The following MYRIP variants were observed in gnomAD, a reference collection of about 807,000 sequenced individuals.
MYRIP encodes myosin VIIA and Rab interacting protein, also known as rab effector MyRIP.
A neutral mutation model predicts 98.0 loss-of-function variants in MYRIP; 49 were observed. The observed-to-expected ratio is 0.50, with a 90% CI of 0.40 to 0.63. The LOEUF (loss-of-function observed/expected upper bound fraction) is 0.63, where lower values mean the gene tolerates loss of function less well. Among genes scored for constraint, MYRIP ranks in the 30% least tolerant of loss-of-function variants. The probability of loss-of-function intolerance (pLI) is 0.00; values close to 1 mark genes in which losing one functional copy is unlikely to be tolerated. For missense variants in MYRIP, 1,004 were observed against 1,058.2 expected (o/e 0.95, Z 0.71); for synonymous variants, 404 against 409.5 (o/e 0.99, Z 0.16).
At chr3:39,945,599 T>C (rs749058785) in intron 2 of MYRIP, among the ~76,000 whole-genome samples, 2 of 151,918 alleles carry the variant, frequency 1.3e-5, no homozygotes, top group African/African-American at 2.4e-5. Context: ...CCAGAAGCAG[T>C]TGGGAAAGTG....
intron 2 of MYRIP, among the ~76,000 whole-genome samples, chr3:40,036,420 G>A (rs1011648468): frequency 3.3e-5 from 5 of 151,122 alleles, no homozygotes; most frequent in African/African-American, 2.4e-5. Context: ...AATTTACCTT[G>A]ATGAAAGAAT....
At chr3:39,956,948 G>C (rs1189852575) in intron 2 of MYRIP, among the ~76,000 whole-genome samples, 3 of 151,550 alleles carry the variant, frequency 2.0e-5, no homozygotes, top group East Asian at 1.9e-4. Flanking sequence ...ATAAATTCCT[G>C]GACACATACA....
chr3:39,846,762 T>C (rs915073602), intron 1 of MYRIP, among the ~76,000 whole-genome samples: 1 of 152,170 alleles, frequency 6.6e-6, no homozygotes. Context: ...TTTATAGAAA[T>C]AGATTTATTT....
chr3:40,161,041 T>G (rs1458266410), intron 4 of MYRIP, among the ~76,000 whole-genome samples: 1 of 152,154 alleles, frequency 6.6e-6, no homozygotes, highest in East Asian at 1.9e-4. Context: ...CCTCTATATC[T>G]AATTTTGACA....
chr3:40,168,350 A>G (rs1414732322), intron 7 of MYRIP, among the ~76,000 whole-genome samples: 1 of 152,200 alleles, frequency 6.6e-6, no homozygotes. Flanking sequence ...CCTACTCTTA[A>G]TATATCATAG....
At chr3:40,018,135 C>A (rs963917196) in intron 2 of MYRIP, among the ~76,000 whole-genome samples, 7 of 152,216 alleles carry the variant, frequency 4.6e-5, no homozygotes, top group African/African-American at 1.7e-4. Context: ...TTGGCTGCCA[C>A]ATTACTGCAT....
At chr3:39,868,835 A>G (rs1942700433) in intron 1 of MYRIP, among the ~76,000 whole-genome samples, 1 of 152,146 alleles carries the variant, frequency 6.6e-6, no homozygotes, top group Non-Finnish European at 1.5e-5. Flanking sequence ...ATGGGTTGAT[A>G]GTCTTTTTCT....
Position 40,250,283 on chromosome 3 carries a change from G to A in MYRIP, c.2324G>A (p.Cys775Tyr). The part of the protein sequence containing the change: ...LTIAGLNIAP[C>Y]VRFTRRRDQK... ...ATTGCAGGATTAAACATAGCACCAT[G>A]TGTGCGCTTCACAAGAAGACGGGAT... The change falls in exon 14 of 17, where the codon TGT becomes TAT. Residue 775 changes from cysteine (C) to tyrosine (Y), a missense_variant. By Grantham distance (194) the Cys-to-Tyr change is radical. Around this residue, in one of 3 missense-constraint regions of MYRIP, gnomAD observed 108 missense variants for 111.1 expected, o/e 0.97. Coordinates refer to ENST00000302541, the MANE Select transcript of MYRIP (RefSeq NM_015460.4). 6.2e-7 allele frequency: 1 copy of A among 1,614,162 alleles called. No homozygotes were observed. Among genetic ancestry groups the A allele is most frequent in the Non-Finnish European group, 8.5e-7 (1 of 1,180,012 alleles).
chr3:40,096,776 G>A lies in MYRIP; in HGVS notation c.332+52505G>A, dbSNP rs532735185. Among the ~76,000 whole-genome samples, 10 of 152,306 alleles carry A rather than the reference G, an allele frequency of 6.6e-5. No individual in the cohort carries two copies. The South Asian group carries it at 1.5e-3, about 22-fold the overall frequency. ...AGAGCGTGGATCACAATGTGGCATT[G>A]GGCAAAGGCATCGGCATCTTTGAAA... is the stretch of plus-strand genomic sequence containing the variant. On this transcript the variant is annotated intron_variant, in intron 3 of 16. Transcript: ENST00000302541.
intron 10 of MYRIP, among the ~76,000 whole-genome samples, chr3:40,192,354 T>TATATATGTCATATA: frequency 2.9e-5 from 1 of 34,894 alleles, no homozygotes; most frequent in Admixed American, 3.2e-4. Context: ...ATATATATAT[T>TATATATGTCATATA]TATATTTATT....
chr3:40,258,120 A>G lies in MYRIP; in HGVS notation c.2548-14A>G, dbSNP rs1324214273. The G allele has an allele frequency of 6.2e-7, 1 of 1,614,026 alleles. No homozygotes were observed. Among genetic ancestry groups the G allele is most frequent in the Admixed American group, 1.7e-5 (1 of 59,996 alleles). Reference sequence around the variant, plus strand: ...CAAGTGGCTGATGGGAGTGTGTTCAATGTCTCACCTCAGGAGCCTGCTCTG... The same window carrying G: ...CAAGTGGCTGATGGGAGTGTGTTCAGTGTCTCACCTCAGGAGCCTGCTCTG... On this transcript the variant is annotated splice_polypyrimidine_tract_variant and intron_variant, in intron 16 of 16. Coordinates refer to ENST00000302541, the MANE Select transcript of MYRIP (RefSeq NM_015460.4).
chr3:39,933,182 A>T (rs1018701718), intron 2 of MYRIP, among the ~76,000 whole-genome samples: 1 of 152,146 alleles, frequency 6.6e-6, no homozygotes, highest in African/African-American at 2.4e-5. Context: ...CAAGATACAT[A>T]CTCATGGGCC....
chr3:40,234,156 A>ACAC, intron 12 of MYRIP, 103 bp downstream of exon 12: 1 of 1,135,330 alleles, frequency 8.8e-7, no homozygotes, highest in Middle Eastern at 3.0e-4. Flanking sequence ...ACACATACAC[A>ACAC]CACACACCAC....
intron 3 of MYRIP, among the ~76,000 whole-genome samples, chr3:40,100,540 A>C (rs1264691533): frequency 6.6e-6 from 1 of 152,250 alleles, no homozygotes; most frequent in Non-Finnish European, 1.5e-5. Flanking sequence ...ACTGCTTTAC[A>C]AAAACAGGTA....
intron 3 of MYRIP, among the ~76,000 whole-genome samples, chr3:40,060,720 T>A (rs1947995133): frequency 6.6e-6 from 1 of 151,782 alleles, no homozygotes; most frequent in African/African-American, 2.4e-5. Context: ...GCCTCCCTAG[T>A]AGCTGGGATT....
intron 1 of MYRIP, among the ~76,000 whole-genome samples, chr3:39,883,609 G>A (rs1367350879): frequency 1.3e-5 from 2 of 151,778 alleles, no homozygotes; most frequent in Non-Finnish European, 2.9e-5. Context: ...ATATAATAAA[G>A]CAGCACATCT....
chr3:39,828,692 A>G (rs1941345737), intron 1 of MYRIP, among the ~76,000 whole-genome samples: 1 of 152,166 alleles, frequency 6.6e-6, no homozygotes, highest in South Asian at 2.1e-4. Flanking sequence ...TTGCATCCTC[A>G]TAGCTTAGCT....
Position 40,044,225 on chromosome 3 carries a change from CAGA to C in MYRIP, c.289_291del (p.Lys97del). The stretch of plus-strand genomic sequence containing the variant: ...TGTCTGCAAGAGCTGCTGCTCCTAC[CAGA>C]AGCACGAAAAGGCCTGGGTCTGCTG... On this transcript the variant is annotated inframe_deletion, in exon 3 of 17. Coordinates refer to ENST00000302541, the MANE Select transcript of MYRIP (RefSeq NM_015460.4). 1 of 1,614,164 alleles carries C rather than the reference CAGA, an allele frequency of 6.2e-7. No individual in the cohort carries two copies.
chr3:39,982,914 T>C (rs1945930676), intron 2 of MYRIP, among the ~76,000 whole-genome samples: 1 of 152,222 alleles, frequency 6.6e-6, no homozygotes, highest in African/African-American at 2.4e-5. Context: ...CAACCGCATT[T>C]TCCATAAATT....
Sources: allele counts gnomAD v4.1 joint callset (sites outside exome capture counted in the v4.1 genomes callset), GRCh38; gene constraint gnomAD v4.1.1; regional missense constraint gnomAD v4.1.1; transcripts MANE v1.5; gene names NCBI Gene and HGNC (gene_info 2026-07-23, HGNC 2026-07-21).